RABGGTB: variants seen among roughly 807,000 people sequenced by gnomAD.
RABGGTB encodes Rab geranylgeranyltransferase subunit beta, also known as geranylgeranyl transferase type-2 subunit beta.
Under a neutral mutation model 44.5 loss-of-function variants are expected in RABGGTB, and 20 were observed. The observed-to-expected ratio is 0.45, with a 90% CI of 0.32 to 0.65. The LOEUF (loss-of-function observed/expected upper bound fraction) is 0.65, where lower values mean the gene tolerates loss of function less well. RABGGTB is among the 30% of genes least tolerant of loss of function. RABGGTB has a pLI of 0.05. For missense variants in RABGGTB, 302 were observed against 398.7 expected, an observed-to-expected ratio of 0.76 and a Z score of 2.06; for synonymous variants, 128 against 136.7, an observed-to-expected ratio of 0.94 and a Z score of 0.44.
chr1:75,786,786 C>G (rs1236986486), intron 1 of RABGGTB: 7 of 296,580 alleles, frequency 2.4e-5, no homozygotes, highest in African/African-American at 1.6e-4. Context: ...AATACAGAGA[C>G]TCGGATTAAA....
In RABGGTB at chr1:75,786,410, T is replaced by C; in HGVS notation, c.3+136T>C. ...TAGGACACAGGCCTTGGAAGGTTTT[T>C]TGAGTGTGAAATATTACTCAGCGTT... On this transcript the variant is annotated intron_variant, in intron 1 of 8. Transcript: ENST00000319942. 3.1e-6 allele frequency: 4 copies of C among 1,287,028 alleles called. No homozygotes were observed. The South Asian group carries it at 4.9e-5, about 16-fold the overall frequency. The allele number at this position is 1,287,028 out of a possible 1,614,324, so 79.7% of individuals were successfully genotyped here.
At chr1:75,790,238 G>T in intron 4 of RABGGTB, 181 bp downstream of exon 4, 2 of 1,335,674 alleles carry the variant, frequency 1.5e-6, no homozygotes, top group East Asian at 2.8e-5. Flanking sequence ...GCATATACAG[G>T]AGCACTGGAA....
rs1649713223 is a variant in RABGGTB, at chr1:75,794,129, A to T, written c.751A>T (p.Ile251Leu). 1 of 1,613,984 alleles carries T rather than the reference A, an allele frequency of 6.2e-7. No individual in the cohort carries two copies. Among genetic ancestry groups the T allele is most frequent in the Non-Finnish European group, 8.5e-7 (1 of 1,179,878 alleles). Residue 251 changes from isoleucine (I) to leucine (L), a missense_variant, in exon 8 of 9, where the codon ATA becomes TTA. Physicochemically the swap from Ile to Leu is conservative, Grantham distance 5 (BLOSUM62 2). Transcript: ENST00000319942. ...YSWWVLASLK[I>L]IGRLHWIDRE... ...ATGGTGGGTCCTGGCTTCCCTAAAG[A>T]TAATTGGAAGACTTCATTGGATTGA...
At chr1:75,787,777 T>C in intron 2 of RABGGTB, 173 bp downstream of exon 2, 3 of 666,190 alleles carry the variant, frequency 4.5e-6, no homozygotes, top group Non-Finnish European at 8.0e-6. Flanking sequence ...GGCTGTGGGC[T>C]TATTAGAATC....
intron 2 of RABGGTB, chr1:75,787,853 G>A (rs781280076): frequency 2.9e-6 from 2 of 690,972 alleles, no homozygotes; most frequent in East Asian, 2.8e-5. Context: ...GTACAAAACG[G>A]GTTTCTCTTT....
chr1:75,794,119 T>C lies in RABGGTB; in HGVS notation c.741T>C (p.Ala247=). Residue 247 remains alanine, a synonymous_variant, in exon 8 of 9, where the codon GCT becomes GCC. Coordinates refer to ENST00000319942, the MANE Select transcript of RABGGTB (RefSeq NM_004582.4). ...PDVCYSWWVL[A]SLKIIGRLHW... ...TATGCTACTCATGGTGGGTCCTGGC[T>C]TCCCTAAAGATAATTGGAAGACTTC... is the stretch of plus-strand genomic sequence containing the variant. 6.2e-7 allele frequency: 1 copy of C among 1,613,866 alleles called. No individual in the cohort carries two copies. Among genetic ancestry groups the C allele is most frequent in the Non-Finnish European group, 8.5e-7 (1 of 1,179,818 alleles).
chr1:75,790,448 A>T (rs983926525), intron 4 of RABGGTB: 11 of 1,080,572 alleles, frequency 1.0e-5, no homozygotes, highest in Non-Finnish European at 1.2e-5. Context: ...TGCTTTAGGG[A>T]TGAACACAGT....
intron 4 of RABGGTB, 87 bp downstream of exon 4, chr1:75,790,144 C>A: frequency 6.4e-7 from 1 of 1,568,586 alleles, no homozygotes; most frequent in Non-Finnish European, 8.6e-7. Context: ...AGTTTTTCAT[C>A]TTTTCAGGTC....
At chr1:75,790,719 C>T (rs1043810750) in intron 4 of RABGGTB, among the ~76,000 whole-genome samples, 2 of 152,044 alleles carry the variant, frequency 1.3e-5, no homozygotes, top group Non-Finnish European at 2.9e-5. Flanking sequence ...AGCTCTGTTG[C>T]CCAGGCTGGA....
intron 2 of RABGGTB, 41 bp downstream of exon 2, chr1:75,787,645 AAGTGTGACAGTCATAAGC>A (rs1649532215): frequency 6.8e-7 from 1 of 1,480,964 alleles, no homozygotes; most frequent in Admixed American, 1.7e-5. Context: ...TATTTTAAAG[AAGTGTGACAGTCATAAGC>A]AGTGAGACAG....
chr1:75,793,992 ACCT>A, intron 7 of RABGGTB, 89 bp from the exon 8 acceptor site: 1 of 1,414,530 alleles, frequency 7.1e-7, no homozygotes, highest in Admixed American at 2.0e-5. Context: ...ACATCAGATT[ACCT>A]AAGAGTGAGA....
chr1:75,791,459 AGGGG>A lies in RABGGTB; in HGVS notation c.469-1_471del, dbSNP rs1649644303. On this transcript the variant is annotated splice_acceptor_variant and coding_sequence_variant, in exon 6 of 9. Coordinates refer to ENST00000319942, the MANE Select transcript of RABGGTB (RefSeq NM_004582.4). LOFTEE classifies it high-confidence loss of function. ...AACAGGCATCTTTTTTTTTGTTTGT[AGGGG>A]AAGCTTGATGCTATTAATGTGGAAA... 3 of 1,599,904 alleles carry A rather than the reference AGGGG, an allele frequency of 1.9e-6. No homozygotes were observed. Among genetic ancestry groups the A allele is most frequent in the Non-Finnish European group, 2.6e-6 (3 of 1,175,284 alleles).
chr1:75,791,878 C>A, intron 6 of RABGGTB: 1 of 398,470 alleles, frequency 2.5e-6, no homozygotes. Flanking sequence ...ATTTTTCTTT[C>A]TTTCCTAAGA....
At chr1:75,791,246 TG>T (rs1324901857) in intron 4 of RABGGTB, 38 bp from the exon 5 acceptor site, 11 of 1,542,492 alleles carry the variant, frequency 7.1e-6, no homozygotes, top group Non-Finnish European at 9.9e-6. Flanking sequence ...ATGTATGATT[TG>T]GTAACACCTG....
At chr1:75,787,431 T>A in intron 1 of RABGGTB, 66 bp from the exon 2 acceptor site, 1 of 1,172,610 alleles carries the variant, frequency 8.5e-7, no homozygotes, top group Non-Finnish European at 1.3e-6. Context: ...ATGTTGAATC[T>A]ATGCTGTGGG....
chr1:75,786,201 G>C, upstream of RABGGTB: 7 of 1,593,446 alleles, frequency 4.4e-6, no homozygotes, highest in Non-Finnish European at 6.0e-6. Flanking sequence ...CCTGAGAGGC[G>C]CATCTGCGCA....
chr1:75,791,657 C>G (rs1649650402), intron 6 of RABGGTB, 86 bp downstream of exon 6: 2 of 1,136,760 alleles, frequency 1.8e-6, no homozygotes, highest in East Asian at 4.7e-5. Context: ...CAGTGTTTGT[C>G]AAATACACAT....
At chr1:75,793,084 T>A (rs1009933189) in intron 7 of RABGGTB, among the ~76,000 whole-genome samples, 1 of 152,170 alleles carries the variant, frequency 6.6e-6, no homozygotes, top group Non-Finnish European at 1.5e-5. Context: ...AGTGCTGGGA[T>A]TGTAGGCGTG....
At chr1:75,786,937 A>T (rs1649503377) in intron 1 of RABGGTB, 1 of 360,092 alleles carries the variant, frequency 2.8e-6, no homozygotes, top group Non-Finnish European at 5.4e-6. Context: ...TTTATTTTTT[A>T]AAAATATGCT....
Sources: allele counts gnomAD v4.1 joint callset (sites outside exome capture counted in the v4.1 genomes callset), GRCh38; gene constraint gnomAD v4.1.1; transcripts MANE v1.5; gene names NCBI Gene and HGNC (gene_info 2026-07-23, HGNC 2026-07-21).